The following TG variants were observed in gnomAD, a reference collection of about 807,000 sequenced individuals.
The protein encoded by TG is thyroglobulin.
TG carries 270 observed loss-of-function variants against 324.7 expected under a neutral mutation model. That is an observed-to-expected ratio of 0.83 (90% CI 0.75 to 0.92). The LOEUF (loss-of-function observed/expected upper bound fraction) is 0.92, where lower values mean the gene tolerates loss of function less well. Ranked by LOEUF, TG falls within the 40% of genes least tolerant of loss-of-function variation. The pLI is 0.00. For synonymous variants in TG, 1,401 were observed against 1,327.0 expected, an observed-to-expected ratio of 1.06 and a Z score of -1.21; for missense variants, 3,591 against 3,456.4, an observed-to-expected ratio of 1.04 and a Z score of -0.98.
intron 41 of TG, chr8:133,040,441 G>A (rs1838006555): frequency 3.1e-6 from 1 of 318,732 alleles, no homozygotes; most frequent in Non-Finnish European, 5.9e-6. Context: ...TATCAAGAAC[G>A]TCTCTGAGCT....
intron 41 of TG, among the ~76,000 whole-genome samples, chr8:133,085,290 C>T (rs763694029): frequency 2.0e-5 from 3 of 152,154 alleles, no homozygotes; most frequent in Non-Finnish European, 2.9e-5. Flanking sequence ...GGACCTTGCA[C>T]TAGGCAAGCA....
At chr8:132,892,868 GTGTGTGCATGTGTGTGTGGTATGCC>G (rs1816440663) in intron 10 of TG, among the ~76,000 whole-genome samples, 1 of 144,370 alleles carries the variant, frequency 6.9e-6, no homozygotes, top group Admixed American at 6.9e-5. Context: ...TGTGGTATGC[GTGTGTGCATGTGTGTGTGGTATGCC>G]TGTGTGCATG....
intron 35 of TG, chr8:133,002,312 A>G: frequency 4.1e-6 from 4 of 985,328 alleles, no homozygotes; most frequent in Non-Finnish European, 4.8e-6. Context: ...TTTTAATGTA[A>G]ATTATTTTAC....
At chr8:132,874,279 A>G (rs772568667) in intron 5 of TG, among the ~76,000 whole-genome samples, 1 of 152,198 alleles carries the variant, frequency 6.6e-6, no homozygotes, top group Non-Finnish European at 1.5e-5. Flanking sequence ...ATATTTGTGA[A>G]TTTTTGTAAA....
At chr8:132,882,022 C>A in intron 6 of TG, 53 bp downstream of exon 6, 1 of 1,297,100 alleles carries the variant, frequency 7.7e-7, no homozygotes, top group South Asian at 1.2e-5. Flanking sequence ...TTCCTCAGGT[C>A]TGAAAACCTG....
At chr8:132,935,542 C>G (rs1823456147) in intron 24 of TG, among the ~76,000 whole-genome samples, 1 of 152,158 alleles carries the variant, frequency 6.6e-6, no homozygotes, top group Non-Finnish European at 1.5e-5. Context: ...GCTCCTTCCT[C>G]TCTAATTACC....
chr8:132,995,425 G>A, intron 35 of TG: 1 of 985,310 alleles, frequency 1.0e-6, no homozygotes, highest in Non-Finnish European at 1.2e-6. Flanking sequence ...CAAGGCAGCT[G>A]TGTGAGCTTG....
intron 46 of TG, 158 bp from the exon 47 acceptor site, chr8:133,133,312 A>G: frequency 1.3e-6 from 1 of 773,562 alleles, no homozygotes; most frequent in Non-Finnish European, 2.2e-6. Flanking sequence ...TCAAGATCAC[A>G]ACCCCAGAAG....
chr8:132,992,289 T>A (rs1832440505), intron 35 of TG, among the ~76,000 whole-genome samples: 1 of 152,138 alleles, frequency 6.6e-6, no homozygotes, highest in African/African-American at 2.4e-5. Context: ...GAAATTTAGG[T>A]TTTATACAAG....
intron 34 of TG, among the ~76,000 whole-genome samples, chr8:132,980,716 C>T (rs908987642): frequency 6.6e-6 from 1 of 152,046 alleles, no homozygotes; most frequent in African/African-American, 2.4e-5. Flanking sequence ...GACTTGAAAT[C>T]CAGGTAGTTA....
chr8:132,916,909 T>A (rs1820365608), intron 20 of TG, among the ~76,000 whole-genome samples: 1 of 57,806 alleles, frequency 1.7e-5, no homozygotes, highest in Admixed American at 2.9e-4. Context: ...CCCTATGGAT[T>A]TTTTTTTTGC....
chr8:133,094,894 T>C (rs554720956), intron 41 of TG, 150 bp from the exon 42 acceptor site: 17 of 1,019,060 alleles, frequency 1.7e-5, no homozygotes, highest in African/African-American at 1.4e-4. Context: ...CCAATCCTTA[T>C]CTTCCCATTG....
At chr8:133,012,318 T>C (rs1168495042) in intron 36 of TG, among the ~76,000 whole-genome samples, 1 of 152,176 alleles carries the variant, frequency 6.6e-6, no homozygotes, top group Non-Finnish European at 1.5e-5. Flanking sequence ...GCAGGAAAGA[T>C]GCACATGCGT....
rs1827991179 is a variant in TG at position 132,963,031 on chromosome 8, T to C, written c.5505T>C (p.Cys1835=). The change falls in exon 29 of 48, where the codon TGT becomes TGC. Residue 1835 remains cysteine (C), a synonymous_variant. Transcript: ENST00000220616. ...GGTCTCGGCCTGAGTCTATGGGATG[T>C]AGAAAAGACACAGTGCCAAGGCCAG... ...DMGSRPESMG[C]RKDTVPRPAS... The C allele has an allele frequency of 6.2e-7, 1 of 1,613,996 alleles. No homozygotes were observed.
intron 41 of TG, chr8:133,073,021 C>T (rs2244718): frequency 0.81 from 123,056 of 152,220 alleles, 49,887 homozygotes; most frequent in African/African-American, 0.85. Flanking sequence ...AGAAATGATA[C>T]CAATAGCTCC....
chr8:132,936,084 C>T (rs1227279622), intron 25 of TG, among the ~76,000 whole-genome samples: 1 of 152,244 alleles, frequency 6.6e-6, no homozygotes, highest in African/African-American at 2.4e-5. Flanking sequence ...GATATTTCCA[C>T]ATCATTCTCC....
At chr8:132,941,217 T>C in intron 25 of TG, 134 bp from the exon 26 acceptor site, 1 of 1,084,540 alleles carries the variant, frequency 9.2e-7, no homozygotes, top group Non-Finnish European at 1.4e-6. Context: ...ACAGAGAGCA[T>C]CTCATCTTGG....
chr8:133,096,173 C>T (rs1262252142), intron 42 of TG, 33 bp from the exon 43 acceptor site: 1 of 1,613,392 alleles, frequency 6.2e-7, no homozygotes, highest in Non-Finnish European at 8.5e-7. Flanking sequence ...CTGATTATTC[C>T]AGGACAACTG....
rs1839673622 is a variant in TG at position 132,873,317 on chromosome 8, A to G, written c.638+96A>G. On this transcript the variant is annotated intron_variant, in intron 5 of 47. Transcript: ENST00000220616. ...GGCCTCCATGTGTCATATGTGCAGC[A>G]TGATAAGGAATTAAGAGCTGCCTCA... 3 of 1,467,120 alleles carry G rather than the reference A, an allele frequency of 2.0e-6. No individual in the cohort carries two copies. The South Asian group carries it at 3.6e-5, about 17-fold the overall frequency. 90.9% of individuals were successfully genotyped at this position (1,467,120 alleles called of 1,614,324 possible). A position where few individuals can be genotyped will look rare whatever the true frequency, so the allele number is the denominator to read the frequency against.
Sources: allele counts gnomAD v4.1 joint callset (sites outside exome capture counted in the v4.1 genomes callset), GRCh38; gene constraint gnomAD v4.1.1; transcripts MANE v1.5; gene names NCBI Gene and HGNC (gene_info 2026-07-23, HGNC 2026-07-21).